GFRA3: variants seen among roughly 807,000 people sequenced by gnomAD.
The protein encoded by GFRA3 is GDNF family receptor alpha-3.
In GFRA3, 24 loss-of-function variants were observed where a neutral mutation model predicts 40.0. The ratio of observed to expected loss-of-function variants is 0.60; its 90% confidence interval spans 0.43 to 0.84. GFRA3 has a LOEUF of 0.84. GFRA3 is among the 40% of genes least tolerant of loss of function. GFRA3 has a pLI of 0.00. For missense variants in GFRA3, 405 were observed against 530.6 expected (o/e 0.76, Z 2.33); for synonymous variants, 203 against 213.5 (o/e 0.95, Z 0.43).
chr5:138,260,427 T>C (rs547225526), intron 2 of GFRA3, among the ~76,000 whole-genome samples: 1 of 152,276 alleles, frequency 6.6e-6, no homozygotes, highest in Non-Finnish European at 1.5e-5. Context: ...AGCCAGAGAT[T>C]TGGGAATTGG....
rs1441247226 is a variant in GFRA3, at chr5:138,257,811, C to G, written c.613G>C (p.Glu205Gln). 3.1e-6 allele frequency: 5 copies of G among 1,613,514 alleles called. No homozygotes were observed. The highest frequency in any genetic ancestry group is 4.2e-6 in the Non-Finnish European group (5 of 1,179,790). Residue 205 changes from glutamate (E) to glutamine (Q), a missense_variant, in exon 4 of 8, where the codon GAG (glutamate) becomes CAG (glutamine). Physicochemically the swap from Glu to Gln is conservative, Grantham distance 29. Coordinates refer to ENST00000274721, the MANE Select transcript of GFRA3 (RefSeq NM_001496.4). ...TGCGCGTGGGGCTCGGCGGCCTTCT[C>G]GAAGAAAGTGAGCAGCTGCCTGAGG... ...VCLRQLLTFFEKAAEPHAQGL... is the reference protein window; with the variant it reads ...VCLRQLLTFFQKAAEPHAQGL...
chr5:138,272,352 A>AT (rs1301592747), intron 1 of GFRA3, among the ~76,000 whole-genome samples: 2 of 150,514 alleles, frequency 1.3e-5, no homozygotes, highest in Non-Finnish European at 3.0e-5. Context: ...TAAAAATCAG[A>AT]TTTTAGGCCG....
At chr5:138,261,500 C>T (rs1755709318) in intron 2 of GFRA3, among the ~76,000 whole-genome samples, 1 of 151,874 alleles carries the variant, frequency 6.6e-6, no homozygotes, top group Admixed American at 6.6e-5. Context: ...TCAAGACCAG[C>T]CTGACCAACA....
Position 138,254,138 on chromosome 5 carries a change from T to C in GFRA3, c.808A>G (p.Thr270Ala), listed in dbSNP as rs1755592800. The change falls in exon 5 of 8, where the codon ACC becomes GCC. Residue 270 changes from threonine (T) to alanine (A), a missense_variant. Coordinates refer to ENST00000274721, the MANE Select transcript of GFRA3 (RefSeq NM_001496.4). The stretch of plus-strand genomic sequence containing the variant: ...AGGATGTCCATGGGATGGCAGTGGG[T>C]CTGGAAATCCACCAGGCGTGATCTG... ...LCRSRLVDFQ[T>A]HCHPMDILGT... 6.2e-7 allele frequency: 1 copy of C among 1,607,760 alleles called. No homozygotes were observed. The highest frequency in any genetic ancestry group is 1.7e-5 in the Admixed American group (1 of 59,934).
chr5:138,268,657 G>T (rs532251928), intron 1 of GFRA3, among the ~76,000 whole-genome samples: 3 of 152,118 alleles, frequency 2.0e-5, no homozygotes, highest in Non-Finnish European at 1.5e-5. Context: ...TTGGGAGGCC[G>T]AGGTGGGCAG....
chr5:138,266,346 T>TA (rs1005052592), intron 1 of GFRA3, among the ~76,000 whole-genome samples: 2 of 152,070 alleles, frequency 1.3e-5, no homozygotes, highest in Non-Finnish European at 2.9e-5. Context: ...TATTTTCCAT[T>TA]AAAAAAAATT....
At position 138,257,915 on chromosome 5, in the gene GFRA3, G is replaced by C; in HGVS notation, c.509C>G (p.Thr170Ser). 4.3e-6 allele frequency: 7 copies of C among 1,614,126 alleles called. No individual in the cohort carries two copies. Among genetic ancestry groups the C allele is most frequent in the Non-Finnish European group, 5.9e-6 (7 of 1,180,000 alleles). ...CAGCCGGTCACACTTGTCATTGAGAGTACACAGCATGGCAAACTTGAGGCA... is the reference window on the plus strand; with the variant it reads ...CAGCCGGTCACACTTGTCATTGAGACTACACAGCATGGCAAACTTGAGGCA... Reference protein sequence around the residue: ...DLCLKFAMLCTLNDKCDRLRK... With the variant: ...DLCLKFAMLCSLNDKCDRLRK... Residue 170 changes from threonine to serine, a missense_variant, in exon 4 of 8, where the codon ACT (threonine) becomes AGT (serine). By Grantham distance (58) the Thr-to-Ser change is moderately conservative. Coordinates refer to ENST00000274721, the MANE Select transcript of GFRA3 (RefSeq NM_001496.4).
rs776519981 is a variant in GFRA3 at position 138,259,663 on chromosome 5, G to A, written c.380-14C>T. On this transcript the variant is annotated splice_polypyrimidine_tract_variant and intron_variant, in intron 2 of 7. Coordinates refer to ENST00000274721, the MANE Select transcript of GFRA3 (RefSeq NM_001496.4). ...GCTCATAGTTACCTAGAGACAAGGTGGGGAGCACCAGAATGCTGAGGACCA... is the reference window on the plus strand; with the variant it reads ...GCTCATAGTTACCTAGAGACAAGGTAGGGAGCACCAGAATGCTGAGGACCA... 3 of 1,138,410 alleles carry A rather than the reference G, an allele frequency of 2.6e-6. No individual in the cohort carries two copies. In the South Asian group the frequency reaches 3.7e-5, roughly 14 times the overall value. 70.5% of individuals were successfully genotyped at this position (1,138,410 alleles called of 1,614,324 possible). A position where few individuals can be genotyped will look rare whatever the true frequency, so the allele number is the denominator to read the frequency against.
intron 1 of GFRA3, among the ~76,000 whole-genome samples, chr5:138,272,973 A>T (rs1755898472): frequency 6.6e-6 from 1 of 152,208 alleles, no homozygotes; most frequent in Admixed American, 6.5e-5. Flanking sequence ...TTTGTTTCTC[A>T]TCAGTGAGGC....
In GFRA3 at chr5:138,271,913, T is replaced by TTGTGTGTGTGTG. The variant is rs1554111238; in HGVS notation, c.91+2409_91+2420dup. The stretch of plus-strand genomic sequence containing the variant: ...TTCTGTTTTTTTTTTTTTTTTTTTT[T>TTGTGTGTGTGTG]TGTGTGTGTGTGTGTGTGTGTGTGT... On this transcript the variant is annotated intron_variant, in intron 1 of 7. Coordinates refer to ENST00000274721, the MANE Select transcript of GFRA3 (RefSeq NM_001496.4). Among the ~76,000 whole-genome samples, 125 of 54,288 alleles carry TTGTGTGTGTGTG rather than the reference T, an allele frequency of 2.3e-3. 1 individual carries two copies. The highest frequency in any genetic ancestry group is 3.4e-3 in the Non-Finnish European group (98 of 28,526). The allele number at this position is 54,288 out of a possible 152,430, so 35.6% of individuals were successfully genotyped here. A position where few individuals can be genotyped will look rare whatever the true frequency, so the allele number is the denominator to read the frequency against.
rs770372655 is a variant in GFRA3, at chr5:138,264,558, G to A, written c.92-10C>T. 2.5e-6 allele frequency: 4 copies of A among 1,575,834 alleles called. No individual in the cohort carries two copies. The highest frequency in any genetic ancestry group is 4.5e-5 in the East Asian group (2 of 44,500). ...GTGGGAAGGGGGTCTCCTGTAAAGGGAGATACCAGGTGAGGCTACGTAAGA... is the reference window on the plus strand; with the variant it reads ...GTGGGAAGGGGGTCTCCTGTAAAGGAAGATACCAGGTGAGGCTACGTAAGA... On this transcript the variant is annotated splice_polypyrimidine_tract_variant and intron_variant, in intron 1 of 7. Coordinates refer to ENST00000274721, the MANE Select transcript of GFRA3 (RefSeq NM_001496.4).
At chr5:138,264,620 T>C in intron 1 of GFRA3, 72 bp from the exon 2 acceptor site, 1 of 1,021,248 alleles carries the variant, frequency 9.8e-7, no homozygotes, top group Admixed American at 2.3e-5. Context: ...GTCATGAGGT[T>C]GGGAGAGGGA....
rs915349567 is a variant in GFRA3, at chr5:138,264,685, A to G, written c.92-137T>C. The G allele has an allele frequency of 3.6e-5, 22 of 612,266 alleles. No homozygotes were observed. In the African/African-American group the frequency reaches 3.9e-4, roughly 11 times the overall value. The allele number at this position is 612,266 out of a possible 1,614,324, so 37.9% of individuals were successfully genotyped here. A position where few individuals can be genotyped will look rare whatever the true frequency, so the allele number is the denominator to read the frequency against. On this transcript the variant is annotated intron_variant, in intron 1 of 7. Coordinates refer to ENST00000274721, the MANE Select transcript of GFRA3 (RefSeq NM_001496.4). Reference sequence around the variant, plus strand: ...AGGGTAGCACAAAAGGCCTTTAAGAATAAGTGTGGAGAGAGAGAGAAGCCC... The same window carrying G: ...AGGGTAGCACAAAAGGCCTTTAAGAGTAAGTGTGGAGAGAGAGAGAAGCCC...
intron 6 of GFRA3, 146 bp downstream of exon 6, chr5:138,253,615 CCTGGG>C (rs1453363158): frequency 1.3e-5 from 10 of 764,660 alleles, no homozygotes; most frequent in Non-Finnish European, 2.2e-5. Flanking sequence ...AGAAGAAAGG[CCTGGG>C]CTATGGCAAT....
chr5:138,254,046 C>G lies in GFRA3; in HGVS notation c.889+11G>C, dbSNP rs1755590699. The stretch of plus-strand genomic sequence containing the variant: ...CAACATAGGGTTCCCTACACATGCC[C>G]CCAGCCTCACCAATCAGCCCCAGGT... On this transcript the variant is annotated intron_variant, in intron 5 of 7. Coordinates refer to ENST00000274721, the MANE Select transcript of GFRA3 (RefSeq NM_001496.4). 3 of 1,593,606 alleles carry G rather than the reference C, an allele frequency of 1.9e-6. No homozygotes were observed. The East Asian group carries it at 6.7e-5, about 36-fold the overall frequency.
At chr5:138,271,909 TTTTTTG>T (rs1178819351) in intron 1 of GFRA3, among the ~76,000 whole-genome samples, 11 of 99,692 alleles carry the variant, frequency 1.1e-4, no homozygotes, top group South Asian at 4.4e-4. Context: ...TTTTTTTTTT[TTTTTTG>T]TGTGTGTGTG....
chr5:138,274,513 C>T lies in GFRA3; in HGVS notation c.-89G>A, dbSNP rs2126624121. 1 of 1,237,834 alleles carries T rather than the reference C, an allele frequency of 8.1e-7. No homozygotes were observed. The highest frequency in any genetic ancestry group is 1.0e-6 in the Non-Finnish European group (1 of 990,250). 76.7% of individuals were successfully genotyped at this position (1,237,834 alleles called of 1,614,324 possible). ...GCTCCCTCGACCGGCACCTCCCGCC[C>T]CCGCCTCCCGCCCTCCAGCGCGACG... On this transcript the variant is annotated 5_prime_UTR_variant, in exon 1 of 8. Transcript: ENST00000274721.
chr5:138,257,252 G>A (rs544845184), intron 4 of GFRA3, among the ~76,000 whole-genome samples: 74 of 152,076 alleles, frequency 4.9e-4, no homozygotes, highest in African/African-American at 1.8e-3. Flanking sequence ...CACCTCCACA[G>A]AAAAATGCTC....
At position 138,266,838 on chromosome 5, in the gene GFRA3, T is replaced by C. The variant is rs191033825; in HGVS notation, c.92-2290A>G. 2.0e-4 allele frequency among the ~76,000 whole-genome samples: 31 copies of C among 151,786 alleles called. 1 individual carries two copies. In the East Asian group the frequency reaches 6.1e-3, roughly 30 times the overall value. On this transcript the variant is annotated intron_variant, in intron 1 of 7. Coordinates refer to ENST00000274721, the MANE Select transcript of GFRA3 (RefSeq NM_001496.4). ...CTGGGACTACAGGCACCCGCCACAA[T>C]GCTCAGCTAATTTTTGTACTTTTAG...
Sources: gnomAD v4.1 joint callset for allele counts (sites outside exome capture counted in the v4.1 genomes callset) on GRCh38, gnomAD v4.1.1 for gene constraint, MANE v1.5 for transcripts, NCBI Gene and HGNC (gene_info 2026-07-23, HGNC 2026-07-21) for gene names.